The following ARHGEF3 variants were observed in gnomAD, a reference collection of about 807,000 sequenced individuals.
The protein encoded by ARHGEF3 is 59.8 kDA protein.
ARHGEF3 carries 28 observed loss-of-function variants against 63.2 expected under a neutral mutation model. The observed-to-expected ratio is 0.44, with a 90% CI of 0.33 to 0.61. The LOEUF (loss-of-function observed/expected upper bound fraction) is 0.61, where lower values mean the gene tolerates loss of function less well. ARHGEF3 is among the 20% of genes least tolerant of loss of function. The pLI is 0.03. For synonymous variants in ARHGEF3, 266 were observed against 254.2 expected (o/e 1.05, Z -0.44); for missense variants, 533 against 659.3 (o/e 0.81, Z 2.10).
intron 4 of ARHGEF3, among the ~76,000 whole-genome samples, chr3:56,820,596 A>G (rs2038449632): frequency 6.6e-6 from 1 of 152,160 alleles, no homozygotes; most frequent in African/African-American, 2.4e-5. Flanking sequence ...TGAGCATAGG[A>G]GTTTGAGACC....
chr3:56,813,762 A>T (rs1033806037), intron 4 of ARHGEF3, among the ~76,000 whole-genome samples: 1 of 152,128 alleles, frequency 6.6e-6, no homozygotes, highest in Non-Finnish European at 1.5e-5. Flanking sequence ...TTCTTTTCCT[A>T]AATGCTTGCC....
At chr3:56,863,585 C>T (rs2040149624) in intron 4 of ARHGEF3, among the ~76,000 whole-genome samples, 1 of 152,146 alleles carries the variant, frequency 6.6e-6, no homozygotes, top group East Asian at 1.9e-4. Flanking sequence ...TAGGTGTGAG[C>T]CACCACACCT....
In ARHGEF3 at chr3:56,992,405, A is replaced by C. The variant is rs1047407540; in HGVS notation, c.63-33516T>G. On this transcript the variant is annotated intron_variant, in intron 2 of 12. Transcript: ENST00000338458. ...AAAAAAAAAAAAAAAAAAAAAAAAA[A>C]AAAAAAAAACAGAAAGAAGGTCATG... Among the ~76,000 whole-genome samples, 61 of 142,796 alleles carry C rather than the reference A, an allele frequency of 4.3e-4. 1 individual carries two copies. The highest frequency in any genetic ancestry group is 1.5e-3 in the African/African-American group (59 of 38,296). The allele number at this position is 142,796 out of a possible 152,430, so 93.7% of individuals were successfully genotyped here.
chr3:56,742,184 T>G (rs1404740037), intron 7 of ARHGEF3, among the ~76,000 whole-genome samples: 1 of 152,164 alleles, frequency 6.6e-6, no homozygotes, highest in Non-Finnish European at 1.5e-5. Flanking sequence ...ATTTTTTTTT[T>G]TTTTAGGAGT....
At chr3:57,016,098 T>G (rs1185702299) in intron 2 of ARHGEF3, among the ~76,000 whole-genome samples, 1 of 152,110 alleles carries the variant, frequency 6.6e-6, no homozygotes, top group Admixed American at 6.5e-5. Flanking sequence ...TGCACAACTA[T>G]CACACAACTA....
At chr3:56,803,628 C>T (rs1463362054), upstream of ARHGEF3, among the ~76,000 whole-genome samples, 1 of 151,746 alleles carries the variant, frequency 6.6e-6, no homozygotes, top group Admixed American at 6.6e-5. Context: ...ATAGCAAGAC[C>T]CTGCCTCTAC....
At chr3:57,064,180 G>A (rs1579200215) in intron 1 of ARHGEF3, among the ~76,000 whole-genome samples, 1 of 152,176 alleles carries the variant, frequency 6.6e-6, no homozygotes, top group South Asian at 2.1e-4. Flanking sequence ...GAGGTCAGAG[G>A]ATTGCTTGAG....
chr3:56,962,755 C>G (rs139161623), intron 2 of ARHGEF3, among the ~76,000 whole-genome samples: 1 of 152,078 alleles, frequency 6.6e-6, no homozygotes, highest in African/African-American at 2.4e-5. Context: ...TGGAGAAATG[C>G]CCACAGTAGC....
At chr3:56,752,299 C>T (rs1233990579) in intron 4 of ARHGEF3, among the ~76,000 whole-genome samples, 1 of 152,184 alleles carries the variant, frequency 6.6e-6, no homozygotes, top group Non-Finnish European at 1.5e-5. Context: ...CTCAAGTGAT[C>T]CTTCTGCCTC....
intron 1 of ARHGEF3, among the ~76,000 whole-genome samples, chr3:56,778,724 G>C (rs912748672): frequency 1.3e-5 from 2 of 152,058 alleles, no homozygotes; most frequent in South Asian, 4.2e-4. Context: ...TTTTAGAGAA[G>C]GGGTCTTGCC....
intron 1 of ARHGEF3, among the ~76,000 whole-genome samples, chr3:57,042,698 A>ATTTT (rs1235160376): frequency 2.4e-5 from 1 of 41,410 alleles, no homozygotes; most frequent in Non-Finnish European, 5.4e-5. Flanking sequence ...ATATATATAT[A>ATTTT]TATTTTTTTT....
rs576556709 is a variant in ARHGEF3 at position 56,750,224 on chromosome 3, TCA to T, written c.612+830_612+831del. ...GAACTGGGGTGGACCATTCAAGCAC[TCA>T]CAGAAGGAAACATAAATGTGTAGAA... is the stretch of plus-strand genomic sequence containing the variant. On this transcript the variant is annotated intron_variant, in intron 6 of 9. Coordinates refer to ENST00000296315, the MANE Select transcript of ARHGEF3 (RefSeq NM_019555.3). Among the ~76,000 whole-genome samples, 531 of 152,256 alleles carry T rather than the reference TCA, an allele frequency of 3.5e-3. 4 individuals are homozygous for T. Among genetic ancestry groups the T allele is most frequent in the Middle Eastern group, 0.01 (3 of 294 alleles).
At chr3:56,732,472 G>A in intron 8 of ARHGEF3, 48 bp from the exon 9 acceptor site, 1 of 1,601,196 alleles carries the variant, frequency 6.2e-7, no homozygotes, top group South Asian at 1.1e-5. Context: ...AATGTAATGA[G>A]TGGTTGATAT....
At chr3:56,993,143 G>A (rs1362160368) in intron 2 of ARHGEF3, among the ~76,000 whole-genome samples, 1 of 152,110 alleles carries the variant, frequency 6.6e-6, no homozygotes, top group African/African-American at 2.4e-5. Flanking sequence ...CCTCAAGGAA[G>A]CTTTTTAAAT....
intron 1 of ARHGEF3, among the ~76,000 whole-genome samples, chr3:57,039,359 G>A (rs532424160): frequency 6.6e-6 from 1 of 152,300 alleles, no homozygotes; most frequent in East Asian, 1.9e-4. Context: ...CTGTTGCTGG[G>A]AACATAAATT....
At chr3:57,040,097 C>T (rs778324311) in intron 1 of ARHGEF3, among the ~76,000 whole-genome samples, 1 of 152,122 alleles carries the variant, frequency 6.6e-6, no homozygotes, top group Non-Finnish European at 1.5e-5. Context: ...CAACCACATG[C>T]GGCAACAAGA....
intron 1 of ARHGEF3, among the ~76,000 whole-genome samples, chr3:57,042,698 A>ATTTTTTTTTT (rs1235160376): frequency 4.8e-5 from 2 of 41,410 alleles, no homozygotes; most frequent in Admixed American, 4.4e-4. Context: ...ATATATATAT[A>ATTTTTTTTTT]TATTTTTTTT....
chr3:56,947,868 A>G (rs960421363), intron 3 of ARHGEF3, among the ~76,000 whole-genome samples: 1 of 152,210 alleles, frequency 6.6e-6, no homozygotes, highest in Non-Finnish European at 1.5e-5. Context: ...AATTGACCAC[A>G]TAGTTGGAAG....
At chr3:56,987,864 C>T (rs1022500494) in intron 2 of ARHGEF3, among the ~76,000 whole-genome samples, 40 of 152,198 alleles carry the variant, frequency 2.6e-4, no homozygotes, top group African/African-American at 9.7e-4. Context: ...ATTTGATTAA[C>T]ACATTCAAAA....
Sources: allele counts gnomAD v4.1 joint callset (sites outside exome capture counted in the v4.1 genomes callset), GRCh38; gene constraint gnomAD v4.1.1; transcripts MANE v1.5; gene names NCBI Gene and HGNC (gene_info 2026-07-23, HGNC 2026-07-21).